The following ADCY2 variants were observed in gnomAD, a reference collection of about 807,000 sequenced individuals.
ADCY2 encodes adenylate cyclase type 2.
A neutral mutation model predicts 125.2 loss-of-function variants in ADCY2; 31 were observed. The observed-to-expected ratio is 0.25, with a 90% CI of 0.19 to 0.33. The LOEUF (loss-of-function observed/expected upper bound fraction) is 0.33. Ranked by LOEUF, ADCY2 falls within the 10% of genes least tolerant of loss-of-function variation. ADCY2 has a pLI of 1.00. For missense variants in ADCY2, 904 were observed against 1,418.2 expected (o/e 0.64, Z 5.82); for synonymous variants, 512 against 548.4 (o/e 0.93, Z 0.93).
intron 18 of ADCY2, among the ~76,000 whole-genome samples, chr5:7,775,175 T>TTGTGTGTG (rs200142910): frequency 0.034 from 5,015 of 146,204 alleles, 197 homozygotes; most frequent in African/African-American, 0.097. Context: ...CCCAGCTACT[T>TTGTGTGTG]TGTGTGTGTG....
intron 2 of ADCY2, among the ~76,000 whole-genome samples, chr5:7,511,629 T>A (rs1744064283): frequency 6.6e-6 from 1 of 151,956 alleles, no homozygotes; most frequent in African/African-American, 2.4e-5. Context: ...AGGGGTTTTT[T>A]AGATAGGGAG....
chr5:7,698,183 A>G (rs1740956236), intron 6 of ADCY2, 64 bp from the exon 7 acceptor site: 1 of 1,599,564 alleles, frequency 6.3e-7, no homozygotes, highest in South Asian at 1.1e-5. Context: ...TGATGATATT[A>G]CATGAATCTA....
chr5:7,757,363 C>T, intron 15 of ADCY2, 86 bp from the exon 16 acceptor site: 2 of 1,515,682 alleles, frequency 1.3e-6, no homozygotes, highest in Non-Finnish European at 9.0e-7. Flanking sequence ...GTTGGTGCTT[C>T]TTGTGGTTGT....
chr5:7,705,133 A>C (rs777120817), intron 7 of ADCY2, among the ~76,000 whole-genome samples: 7 of 152,216 alleles, frequency 4.6e-5, no homozygotes, highest in Non-Finnish European at 1.0e-4. Context: ...TAAAATGTTA[A>C]GAACAATTAT....
At chr5:7,694,157 C>T (rs1740812180) in intron 5 of ADCY2, among the ~76,000 whole-genome samples, 3 of 152,196 alleles carry the variant, frequency 2.0e-5, no homozygotes, top group African/African-American at 7.2e-5. Context: ...CTCAAAGGTG[C>T]AGCCACACAT....
intron 2 of ADCY2, among the ~76,000 whole-genome samples, chr5:7,457,670 C>T (rs1266368039): frequency 6.6e-6 from 1 of 152,176 alleles, no homozygotes; most frequent in East Asian, 1.9e-4. Flanking sequence ...CAGTTGCCCA[C>T]ACCTGCAGAT....
At chr5:7,696,388 T>G (rs1740893611) in intron 6 of ADCY2, among the ~76,000 whole-genome samples, 1 of 152,218 alleles carries the variant, frequency 6.6e-6, no homozygotes, top group African/African-American at 2.4e-5. Flanking sequence ...AAATGGAAGT[T>G]TAGTGTCTTC....
intron 14 of ADCY2, among the ~76,000 whole-genome samples, chr5:7,742,942 T>A (rs1375728095): frequency 6.6e-6 from 1 of 152,164 alleles, no homozygotes; most frequent in African/African-American, 2.4e-5. Context: ...TTTTTATACC[T>A]CTGAAACTTC....
intron 4 of ADCY2, among the ~76,000 whole-genome samples, chr5:7,675,694 A>G (rs1229866895): frequency 2.0e-5 from 3 of 152,252 alleles, no homozygotes; most frequent in Non-Finnish European, 4.4e-5. Flanking sequence ...AAAACCAAAC[A>G]AAATATATCA....
chr5:7,712,974 A>T (rs949200607), intron 11 of ADCY2, 75 bp downstream of exon 11: 16 of 1,175,022 alleles, frequency 1.4e-5, no homozygotes, highest in Non-Finnish European at 1.9e-5. Flanking sequence ...ATCATCAATT[A>T]TGGTAATTTC....
intron 15 of ADCY2, among the ~76,000 whole-genome samples, chr5:7,750,702 G>T (rs1237846130): frequency 6.6e-6 from 1 of 151,016 alleles, no homozygotes; most frequent in Non-Finnish European, 1.5e-5. Flanking sequence ...GCCTCTGTGG[G>T]AATGAGATTA....
rs900135363 is a variant in ADCY2, at chr5:7,828,067, G to T, written c.*1196G>T. On this transcript the variant is annotated 3_prime_UTR_variant, in exon 25 of 25. Transcript: ENST00000338316. Reference sequence around the variant, plus strand: ...ATTTTTAAAGACAGAAGGCCTTGAAGAATTTGTTCTTGTAAATCCAACACA... The same window carrying T: ...ATTTTTAAAGACAGAAGGCCTTGAATAATTTGTTCTTGTAAATCCAACACA... 1.3e-5 allele frequency: 2 copies of T among 152,816 alleles called. No individual in the cohort carries two copies. The highest frequency in any genetic ancestry group is 4.8e-5 in the African/African-American group (2 of 41,478). 9.5% of individuals were successfully genotyped at this position (152,816 alleles called of 1,614,324 possible). A position where few individuals can be genotyped will look rare whatever the true frequency, so the allele number is the denominator to read the frequency against.
chr5:7,745,042 C>T (rs890260758), intron 15 of ADCY2, among the ~76,000 whole-genome samples: 7 of 152,144 alleles, frequency 4.6e-5, no homozygotes, highest in African/African-American at 7.2e-5. Flanking sequence ...ATTCTGCATG[C>T]GTTTATAGTT....
intron 9 of ADCY2, among the ~76,000 whole-genome samples, chr5:7,708,518 G>A (rs981540539): frequency 1.3e-5 from 2 of 152,126 alleles, no homozygotes; most frequent in Non-Finnish European, 2.9e-5. Flanking sequence ...ACTATTTACA[G>A]ATTAAGAATC....
At chr5:7,690,494 A>G (rs1740670081) in intron 4 of ADCY2, 197 bp from the exon 5 acceptor site, 2 of 388,498 alleles carry the variant, frequency 5.1e-6, no homozygotes, top group Non-Finnish European at 9.0e-6. Flanking sequence ...AATAAATAAT[A>G]AATAATATAA....
At chr5:7,697,925 A>G (rs1006571809) in intron 6 of ADCY2, among the ~76,000 whole-genome samples, 2 of 152,178 alleles carry the variant, frequency 1.3e-5, no homozygotes, top group Non-Finnish European at 2.9e-5. Context: ...TTCACCCTTA[A>G]TGTTTGGAGC....
At chr5:7,723,051 A>G (rs1383540822) in intron 12 of ADCY2, among the ~76,000 whole-genome samples, 1 of 151,830 alleles carries the variant, frequency 6.6e-6, no homozygotes, top group Admixed American at 6.6e-5. Context: ...ACAGGAATAG[A>G]AAACCAAGTA....
At chr5:7,600,552 G>A (rs1420323002) in intron 3 of ADCY2, among the ~76,000 whole-genome samples, 1 of 152,190 alleles carries the variant, frequency 6.6e-6, no homozygotes, top group East Asian at 1.9e-4. Context: ...TGAGAGGAAG[G>A]CTGTACTTAG....
intron 23 of ADCY2, among the ~76,000 whole-genome samples, chr5:7,817,507 C>A (rs116622386): frequency 2.0e-5 from 3 of 152,110 alleles, no homozygotes; most frequent in Non-Finnish European, 4.4e-5. Context: ...AAAAAAAAAT[C>A]CAGCTTTCTT....
Sources: allele counts gnomAD v4.1 joint callset (sites outside exome capture counted in the v4.1 genomes callset), GRCh38; gene constraint gnomAD v4.1.1; transcripts MANE v1.5; gene names NCBI Gene and HGNC (gene_info 2026-07-23, HGNC 2026-07-21).